Variants in WDR77 observed in about 807,000 individuals in gnomAD.
The protein encoded by WDR77 is WD repeat domain 77.
Under a neutral mutation model 44.0 loss-of-function variants are expected in WDR77, and 31 were observed. The ratio of observed to expected loss-of-function variants is 0.70; its 90% CI spans 0.53 to 0.95. The LOEUF (loss-of-function observed/expected upper bound fraction) is 0.95. Among genes scored for constraint, WDR77 ranks in the 40% least tolerant of loss-of-function variants. The pLI is 0.00. For missense variants in WDR77, 390 were observed against 423.9 expected (o/e 0.92, Z 0.70); for synonymous variants, 186 against 165.7 (o/e 1.12, Z -0.94).
In WDR77 at chr1:111,443,707, T is replaced by C. The variant is rs569742525; in HGVS notation, c.619+160A>G. ...TCCTCTTGGTATTCATTGCACAGAATGGGGTTAGCAGAGCCTCACTGGAAA... is the reference window on the plus strand; with the variant it reads ...TCCTCTTGGTATTCATTGCACAGAACGGGGTTAGCAGAGCCTCACTGGAAA... On this transcript the variant is annotated intron_variant, in intron 6 of 9. Transcript: ENST00000235090. The C allele has an allele frequency of 3.0e-6, 3 of 985,222 alleles. No individual in the cohort carries two copies. In the African/African-American group the frequency reaches 5.2e-5, roughly 17 times the overall value. 61.0% of individuals were successfully genotyped at this position (985,222 alleles called of 1,614,324 possible).
Position 111,447,461 on chromosome 1 carries a change from T to C in WDR77, c.417A>G (p.Gln139=). ...AGATGTCTTTGCTACCACTGACAGC[T>C]TGTGTGCCAGAGCTCAAGACACTGA... ...STVSVLSSGT[Q]AVSGSKDICI... The change falls in exon 3 of 10, where the codon CAA becomes CAG. Residue 139 remains glutamine, a synonymous_variant. Coordinates refer to ENST00000235090, the MANE Select transcript of WDR77 (RefSeq NM_024102.4). The C allele has an allele frequency of 6.2e-7, 1 of 1,614,186 alleles. No homozygotes were observed. The highest frequency in any genetic ancestry group is 2.2e-5 in the East Asian group (1 of 44,882).
rs774127230 is a variant in WDR77 at position 111,441,267 on chromosome 1, G to C, written c.992C>G (p.Pro331Arg). 6.3e-7 allele frequency: 1 copy of C among 1,580,332 alleles called. No individual in the cohort carries two copies. The highest frequency in any genetic ancestry group is 8.6e-7 in the Non-Finnish European group (1 of 1,162,778). Residue 331 changes from proline (P) to arginine (R), a missense_variant, in exon 10 of 10, where the codon CCT becomes CGT. Pro to Arg is a moderately radical substitution (Grantham distance 103, BLOSUM62 -2). Coordinates refer to ENST00000235090, the MANE Select transcript of WDR77 (RefSeq NM_024102.4). ...QVVHHVVPTE[P>R]LPAPGPASVT... ...ACTTGCAGGTCCAGGGGCTGGGAGA[G>C]GTTCTGTGGGCACAACGTGGTGGAC...
chr1:111,441,917 G>T, intron 9 of WDR77, 108 bp downstream of exon 9: 1 of 1,102,960 alleles, frequency 9.1e-7, no homozygotes, highest in South Asian at 1.4e-5. Flanking sequence ...GGATACAGAT[G>T]GAGAATCTGT....
chr1:111,441,252 C>T lies in WDR77; in HGVS notation c.1007G>A (p.Gly336Glu). ...VVPTEPLPAP[G>E]PASVTE ...AATCTACTCAGTAACACTTGCAGGT[C>T]CAGGGGCTGGGAGAGGTTCTGTGGG... The change falls in exon 10 of 10, where the codon GGA (glycine) becomes GAA (glutamate). Residue 336 changes from glycine to glutamate, a missense_variant. Transcript: ENST00000235090. 6.4e-7 allele frequency: 1 copy of T among 1,562,078 alleles called. No homozygotes were observed. Among genetic ancestry groups the T allele is most frequent in the Non-Finnish European group, 8.7e-7 (1 of 1,154,346 alleles).
At position 111,441,365 on chromosome 1, in the gene WDR77, G is replaced by A. The variant is rs909686366; in HGVS notation, c.894C>T (p.Asp298=). ...SELFRSQAHR[D]FVRDATWSPL... The stretch of plus-strand genomic sequence containing the variant: ...GGGACCAAGTCGCATCTCTCACAAA[G>A]TCTCTGTGGGCTTGGCTTCTAAACC... The change falls in exon 10 of 10, where the codon GAC becomes GAT. Residue 298 remains aspartate, a synonymous_variant. Coordinates refer to ENST00000235090, the MANE Select transcript of WDR77 (RefSeq NM_024102.4). The A allele has an allele frequency of 2.6e-6, 4 of 1,552,434 alleles. No homozygotes were observed. The African/African-American group carries it at 5.5e-5, about 21-fold the overall frequency.
At chr1:111,446,393 A>G (rs760287514) in intron 4 of WDR77, among the ~76,000 whole-genome samples, 1 of 152,252 alleles carries the variant, frequency 6.6e-6, no homozygotes, top group Non-Finnish European at 1.5e-5. Context: ...ACCAGAAAAC[A>G]GACATTTTAT....
intron 2 of WDR77, 101 bp downstream of exon 2, chr1:111,448,518 A>C: frequency 7.1e-7 from 1 of 1,415,074 alleles, no homozygotes; most frequent in Non-Finnish European, 9.9e-7. Context: ...CCAAGCACTG[A>C]GTATAGGACG....
intron 6 of WDR77, chr1:111,443,645 T>C (rs1369121037): frequency 4.1e-6 from 4 of 984,936 alleles, no homozygotes; most frequent in Admixed American, 6.2e-5. Flanking sequence ...TGTCCTACCA[T>C]CTAATAAAGT....
At position 111,441,384 on chromosome 1, in the gene WDR77, C is replaced by A; in HGVS notation, c.875G>T (p.Arg292Ile). The change falls in exon 10 of 10, where the codon AGA becomes ATA. Residue 292 changes from arginine (R) to isoleucine (I), a missense_variant. Transcript: ENST00000235090. ...CACAAAGTCTCTGTGGGCTTGGCTT[C>A]TAAACCTAGAAGAAAGAAAAAAAGT... The part of the protein sequence containing the change: ...VLDSSLSELF[R>I]SQAHRDFVRD... 2.0e-6 allele frequency: 3 copies of A among 1,506,764 alleles called. No individual in the cohort carries two copies. Among genetic ancestry groups the A allele is most frequent in the South Asian group, 1.3e-5 (1 of 76,356 alleles). The allele number at this position is 1,506,764 out of a possible 1,614,324, so 93.3% of individuals were successfully genotyped here. A position where few individuals can be genotyped will look rare whatever the true frequency, so the allele number is the denominator to read the frequency against.
intron 4 of WDR77, chr1:111,446,823 C>T: frequency 1.1e-5 from 4 of 365,020 alleles, no homozygotes; most frequent in Non-Finnish European, 2.0e-5. Flanking sequence ...AGTGAGTTAT[C>T]TCAGTTGATT....
In WDR77 at chr1:111,448,610, G is replaced by A. The variant is rs745638185; in HGVS notation, c.301+9C>T. 26 of 1,614,078 alleles carry A rather than the reference G, an allele frequency of 1.6e-5. No homozygotes were observed. Among genetic ancestry groups the A allele is most frequent in the Non-Finnish European group, 2.1e-5 (25 of 1,180,002 alleles). On this transcript the variant is annotated intron_variant, in intron 2 of 9. Coordinates refer to ENST00000235090, the MANE Select transcript of WDR77 (RefSeq NM_024102.4). ...GGGGGTGGGGGTGGATAATGGGATA[G>A]TGACTCACCTGAATCGGAGGCCACT...
At chr1:111,443,443 A>C in intron 6 of WDR77, 49 bp from the exon 7 acceptor site, 1 of 1,515,052 alleles carries the variant, frequency 6.6e-7, no homozygotes. Flanking sequence ...GTACAGAAGA[A>C]GCAGTTTCTC....
intron 3 of WDR77, 63 bp downstream of exon 3, chr1:111,447,372 A>G: frequency 6.2e-7 from 1 of 1,605,346 alleles, no homozygotes; most frequent in Non-Finnish European, 8.5e-7. Context: ...TAATGAGGTT[A>G]ACAGGATAGG....
At chr1:111,441,557 G>A (rs1399126104) in intron 9 of WDR77, 168 bp from the exon 10 acceptor site, 1 of 1,302,208 alleles carries the variant, frequency 7.7e-7, no homozygotes, top group Non-Finnish European at 9.7e-7. Context: ...CACAGTGGAT[G>A]TCATCAGTCA....
chr1:111,448,788 G>A lies in WDR77; in HGVS notation c.132C>T (p.Leu44=), dbSNP rs770874156. 3.2e-6 allele frequency: 5 copies of A among 1,585,572 alleles called. No individual in the cohort carries two copies. The highest frequency in any genetic ancestry group is 1.4e-5 in the African/African-American group (1 of 74,046). ...ARYRSDGALL[L]GASSLSGRCW... ...AGCGCCCACTCAGGCTGGAGGCCCC[G>A]AGGAGAAGCGCCCCATCTACGGGGG... Residue 44 remains leucine, a synonymous_variant, in exon 2 of 10, where the codon CTC becomes CTT. Coordinates refer to ENST00000235090, the MANE Select transcript of WDR77 (RefSeq NM_024102.4).
At position 111,449,069 on chromosome 1, in the gene WDR77, G is replaced by C; in HGVS notation, c.101C>G (p.Ala34Gly). Residue 34 changes from alanine (A) to glycine (G), a missense_variant, in exon 1 of 10, where the codon GCG (alanine) becomes GGG (glycine). Physicochemically the swap from Ala to Gly is moderately conservative, Grantham distance 60. Transcript: ENST00000235090. ...TCTCGGCTCACCGGACCGGTACCGC[G>C]CAGCCTCCAACTGCCGTTCCATGCA... is the stretch of plus-strand genomic sequence containing the variant. ...PACMERQLEAARYRSDGALLL... is the reference protein window; with the variant it reads ...PACMERQLEAGRYRSDGALLL... The C allele has an allele frequency of 6.3e-7, 1 of 1,595,812 alleles. No individual in the cohort carries two copies. The highest frequency in any genetic ancestry group is 8.5e-7 in the Non-Finnish European group (1 of 1,172,838).
intron 4 of WDR77, among the ~76,000 whole-genome samples, chr1:111,446,142 G>A (rs780985012): frequency 2.6e-5 from 4 of 152,208 alleles, no homozygotes; most frequent in Non-Finnish European, 5.9e-5. Context: ...CCTTGGATAT[G>A]AGTCAGTGAT....
chr1:111,444,668 G>T (rs1231634493), intron 4 of WDR77, among the ~76,000 whole-genome samples: 1 of 152,058 alleles, frequency 6.6e-6, no homozygotes, highest in Non-Finnish European at 1.5e-5. Context: ...AAAATATAAG[G>T]GTTCTAAACT....
At chr1:111,447,232 A>AC (rs1374390675) in intron 3 of WDR77, 88 bp from the exon 4 acceptor site, 20 of 1,547,692 alleles carry the variant, frequency 1.3e-5, no homozygotes, top group Non-Finnish European at 1.8e-5. Flanking sequence ...TGTAATCAAC[A>AC]TTCCCCAAGT....
Sources: gnomAD v4.1 joint callset for allele counts (sites outside exome capture counted in the v4.1 genomes callset) on GRCh38, gnomAD v4.1.1 for gene constraint, MANE v1.5 for transcripts, NCBI Gene and HGNC (gene_info 2026-07-23, HGNC 2026-07-21) for gene names.